Variants in PRUNE2 observed in about 807,000 individuals in gnomAD.
PRUNE2 encodes the protein protein prune homolog 2.
In PRUNE2, 164 loss-of-function variants were observed where a neutral mutation model predicts 252.0. The observed-to-expected ratio is 0.65, with a 90% confidence interval of 0.57 to 0.74. The LOEUF (loss-of-function observed/expected upper bound fraction) is 0.74, where lower values mean the gene tolerates loss of function less well. Among genes scored for constraint, PRUNE2 ranks in the 30% least tolerant of loss-of-function variants. The pLI is 0.00. For missense variants in PRUNE2, 3,495 were observed against 3,711.0 expected (o/e 0.94, Z 1.51); for synonymous variants, 1,292 against 1,350.2 (o/e 0.96, Z 0.94).
chr9:76,751,157 A>T (rs1177308563), intron 6 of PRUNE2, among the ~76,000 whole-genome samples: 1 of 152,134 alleles, frequency 6.6e-6, no homozygotes, highest in Admixed American at 6.5e-5. Context: ...CATCTAATGC[A>T]CTCTGCTAAG....
intron 12 of PRUNE2, among the ~76,000 whole-genome samples, chr9:76,639,445 C>T (rs892977091): frequency 1.3e-5 from 2 of 152,144 alleles, no homozygotes; most frequent in Admixed American, 6.5e-5. Flanking sequence ...GAGCCAAGAT[C>T]GTGCCACTGC....
intron 6 of PRUNE2, among the ~76,000 whole-genome samples, chr9:76,802,795 G>A (rs919028967): frequency 6.6e-6 from 1 of 152,128 alleles, no homozygotes; most frequent in African/African-American, 2.4e-5. Context: ...AGTTCTAAGA[G>A]TGTGTTCTTG....
chr9:76,630,617 T>C lies in PRUNE2; in HGVS notation c.9051-1327A>G, dbSNP rs1026825695. ...TTGGCTCACTGCAAGCTCTGCCTCC[T>C]GGGTTCACGCTATTCTCCTGCCTCA... On this transcript the variant is annotated intron_variant, in intron 15 of 18. Transcript: ENST00000376718. Among the ~76,000 whole-genome samples, 5 of 152,264 alleles carry C rather than the reference T, an allele frequency of 3.3e-5. No homozygotes were observed. The South Asian group carries it at 1.0e-3, about 32-fold the overall frequency.
In PRUNE2 at chr9:76,709,031, G is replaced by A. The variant is rs1564112424; in HGVS notation, c.3243C>T (p.Asp1081=). The A allele has an allele frequency of 6.2e-7, 1 of 1,613,970 alleles. No homozygotes were observed. Among genetic ancestry groups the A allele is most frequent in the East Asian group, 2.2e-5 (1 of 44,884 alleles). ...VGESSQSSYD[D]PSMMQLYNET... ...CATTGTACAGTTGCATCATGCTGGG[G>A]TCGTCGTAACTGGACTGGCTGCTTT... Residue 1081 remains aspartate, a synonymous_variant, in exon 8 of 19, where the codon GAC becomes GAT. Transcript: ENST00000376718.
intron 1 of PRUNE2, among the ~76,000 whole-genome samples, chr9:76,901,436 G>T (rs2063167172): frequency 6.6e-6 from 1 of 152,162 alleles, no homozygotes; most frequent in East Asian, 1.9e-4. Flanking sequence ...AAACAGCTCT[G>T]CCAGCTTCTT....
chr9:76,652,341 C>T lies in PRUNE2; in HGVS notation c.8557+142G>A, dbSNP rs1033998208. 6.1e-6 allele frequency: 4 copies of T among 660,740 alleles called. No individual in the cohort carries two copies. The African/African-American group carries it at 7.2e-5, about 12-fold the overall frequency. 40.9% of individuals were successfully genotyped at this position (660,740 alleles called of 1,614,324 possible). Reference sequence around the variant, plus strand: ...CTCTGTCAGGCTCCAAACTGTCAATCATGGCCACCTATAACCTGAAATAAA... The same window carrying T: ...CTCTGTCAGGCTCCAAACTGTCAATTATGGCCACCTATAACCTGAAATAAA... On this transcript the variant is annotated intron_variant, in intron 11 of 18. Transcript: ENST00000376718.
rs563861498 is a variant in PRUNE2 at position 76,753,761 on chromosome 9, C to CA, written c.757-40041dup. On this transcript the variant is annotated intron_variant, in intron 6 of 18. Coordinates refer to ENST00000376718, the MANE Select transcript of PRUNE2 (RefSeq NM_015225.3). The stretch of plus-strand genomic sequence containing the variant: ...AACCCCGTCTATACTAAAAGAAATA[C>CA]AAAAAAATTAGCTGGGCGTGGTGGC... Among the ~76,000 whole-genome samples, 767 of 151,874 alleles carry CA rather than the reference C, an allele frequency of 5.1e-3. 6 individuals are homozygous for CA. Among genetic ancestry groups the CA allele is most frequent in the African/African-American group, 0.018 (736 of 41,412 alleles).
intron 1 of PRUNE2, among the ~76,000 whole-genome samples, chr9:76,891,065 G>C (rs1186811932): frequency 6.6e-6 from 1 of 152,242 alleles, no homozygotes; most frequent in Non-Finnish European, 1.5e-5. Context: ...GATTGGTAGG[G>C]AGATCTATGT....
chr9:76,850,552 G>C lies in PRUNE2; in HGVS notation c.255C>G (p.Phe85Leu), dbSNP rs200791797. ...GGTTAATTTCATCCCGGAATATGTG[G>C]AATGATTCGGAAATATTTAGCTCTT... ...ILEELNISES[F>L]HIFRDEINLH... The change falls in exon 3 of 19, where the codon TTC (phenylalanine) becomes TTG (leucine). Residue 85 changes from phenylalanine (F) to leucine (L), a missense_variant. Transcript: ENST00000376718. 6.2e-7 allele frequency: 1 copy of C among 1,613,626 alleles called. No individual in the cohort carries two copies. Among genetic ancestry groups the C allele is most frequent in the East Asian group, 2.2e-5 (1 of 44,872 alleles).
chr9:76,895,916 TG>T lies in PRUNE2; in HGVS notation c.36+10011del, dbSNP rs1319949929. 2.6e-5 allele frequency among the ~76,000 whole-genome samples: 4 copies of T among 152,182 alleles called. No homozygotes were observed. In the South Asian group the frequency reaches 8.3e-4, roughly 32 times the overall value. On this transcript the variant is annotated intron_variant, in intron 1 of 18. Coordinates refer to ENST00000376718, the MANE Select transcript of PRUNE2 (RefSeq NM_015225.3). The stretch of plus-strand genomic sequence containing the variant: ...CTCCTGCCTCAGCCTCCTGAGTAGC[TG>T]GGACTACAGGTGTGTGCCACCACTA...
intron 6 of PRUNE2, among the ~76,000 whole-genome samples, chr9:76,727,597 G>A (rs2048205942): frequency 1.4e-5 from 2 of 147,894 alleles, no homozygotes; most frequent in African/African-American, 5.0e-5. Context: ...CCAGGAAAAT[G>A]AAGTTTACCC....
chr9:76,615,769 G>GTGTT (rs375890065), intron 18 of PRUNE2, among the ~76,000 whole-genome samples: 6 of 93,990 alleles, frequency 6.4e-5, no homozygotes, highest in African/African-American at 1.2e-4. Context: ...TGTGTGTGTG[G>GTGTT]TTTTTTTTTT....
chr9:76,879,977 A>G (rs1222555209), intron 1 of PRUNE2, among the ~76,000 whole-genome samples: 2 of 125,754 alleles, frequency 1.6e-5, no homozygotes, highest in Non-Finnish European at 3.1e-5. Flanking sequence ...GCAGTGGTGC[A>G]ATCTCGACTC....
chr9:76,723,333 G>C (rs951466652), intron 6 of PRUNE2, among the ~76,000 whole-genome samples: 2 of 152,148 alleles, frequency 1.3e-5, no homozygotes, highest in African/African-American at 4.8e-5. Context: ...TGGTAGCTTA[G>C]ACACACAAGC....
chr9:76,755,774 C>T (rs1352871598), intron 6 of PRUNE2, among the ~76,000 whole-genome samples: 1 of 152,170 alleles, frequency 6.6e-6, no homozygotes, highest in African/African-American at 2.4e-5. Context: ...GCAATCTCGG[C>T]TCACTGCAGG....
chr9:76,713,962 T>C (rs111793522), intron 6 of PRUNE2, among the ~76,000 whole-genome samples: 6,635 of 152,302 alleles, frequency 0.044, 226 homozygotes, highest in African/African-American at 0.097. Context: ...AATAATAGTT[T>C]AGACAAAGAA....
At chr9:76,727,195 C>T (rs1429902998) in intron 6 of PRUNE2, among the ~76,000 whole-genome samples, 1 of 152,096 alleles carries the variant, frequency 6.6e-6, no homozygotes, top group Admixed American at 6.6e-5. Flanking sequence ...AAATATGTCC[C>T]CTGTGGGGCA....
intron 9 of PRUNE2, among the ~76,000 whole-genome samples, chr9:76,687,024 A>C (rs2044170107): frequency 6.6e-6 from 1 of 152,180 alleles, no homozygotes; most frequent in South Asian, 2.1e-4. Context: ...TACAGGCATG[A>C]GCCACCGCAC....
intron 6 of PRUNE2, among the ~76,000 whole-genome samples, chr9:76,773,949 G>A (rs2053410745): frequency 6.6e-6 from 1 of 152,144 alleles, no homozygotes; most frequent in Non-Finnish European, 1.5e-5. Context: ...AAGAGAAGGA[G>A]CAAGTGAAAA....
Sources: allele counts gnomAD v4.1 joint callset (sites outside exome capture counted in the v4.1 genomes callset), GRCh38; gene constraint gnomAD v4.1.1; transcripts MANE v1.5; gene names NCBI Gene and HGNC (gene_info 2026-07-23, HGNC 2026-07-21).